WDR35: variants seen among roughly 807,000 people sequenced by gnomAD.
WDR35 encodes WD repeat domain 35.
A neutral mutation model predicts 158.3 loss-of-function variants in WDR35; 118 were observed. The ratio of observed to expected loss-of-function variants is 0.75; its 90% CI spans 0.64 to 0.87. The LOEUF (loss-of-function observed/expected upper bound fraction) is 0.87, where lower values mean the gene tolerates loss of function less well. Among genes scored for constraint, WDR35 ranks in the 40% least tolerant of loss-of-function variants. WDR35 has a pLI of 0.00. For synonymous variants in WDR35, 448 were observed against 476.1 expected (o/e 0.94, Z 0.77); for missense variants, 1,263 against 1,405.8 (o/e 0.90, Z 1.62).
At chr2:19,929,106 T>C (rs1670449115) in intron 25 of WDR35, among the ~76,000 whole-genome samples, 1 of 152,152 alleles carries the variant, frequency 6.6e-6, no homozygotes, top group Admixed American at 6.5e-5. Flanking sequence ...TGCACCCGGC[T>C]GAGGAAGATA....
At chr2:19,929,361 G>A (rs2103394781) in intron 25 of WDR35, among the ~76,000 whole-genome samples, 1 of 152,286 alleles carries the variant, frequency 6.6e-6, no homozygotes, top group South Asian at 2.1e-4. Context: ...GATTCATGAT[G>A]TATTAGGATT....
intron 9 of WDR35, 27 bp downstream of exon 9, chr2:19,969,453 T>A: frequency 1.3e-6 from 2 of 1,597,952 alleles, no homozygotes; most frequent in South Asian, 2.2e-5. Context: ...AAACACTGTT[T>A]ATTTTACAAC....
intron 8 of WDR35, among the ~76,000 whole-genome samples, chr2:19,972,975 CT>C (rs1672077677): frequency 6.6e-6 from 1 of 151,892 alleles, no homozygotes; most frequent in Admixed American, 6.6e-5. Context: ...TCTGAAAATT[CT>C]TTTAAAATTA....
At chr2:19,965,490 A>C (rs1053055918) in intron 10 of WDR35, among the ~76,000 whole-genome samples, 3 of 152,170 alleles carry the variant, frequency 2.0e-5, no homozygotes, top group Admixed American at 2.0e-4. Context: ...TTTCTCTTGA[A>C]CAGGTCGAAT....
chr2:19,924,336 G>A (rs1240448007), intron 25 of WDR35, among the ~76,000 whole-genome samples: 2 of 152,152 alleles, frequency 1.3e-5, no homozygotes, highest in East Asian at 3.9e-4. Context: ...AGGCTGAGGG[G>A]GGTGGATCAC....
intron 22 of WDR35, among the ~76,000 whole-genome samples, chr2:19,932,721 A>G (rs1670562508): frequency 6.6e-6 from 1 of 152,192 alleles, no homozygotes; most frequent in African/African-American, 2.4e-5. Flanking sequence ...TGTAATTCTA[A>G]TCTTACAAAA....
chr2:19,916,964 T>A (rs1239874778), intron 25 of WDR35, among the ~76,000 whole-genome samples: 1 of 152,050 alleles, frequency 6.6e-6, no homozygotes, highest in Non-Finnish European at 1.5e-5. Flanking sequence ...CTGGGACCCA[T>A]GTAGGGGCCG....
Position 19,911,760 on chromosome 2 carries a change from T to A in WDR35, c.*1798A>T, listed in dbSNP as rs1227722084. The A allele has an allele frequency of 6.6e-6, 1 of 152,228 alleles. No individual in the cohort carries two copies. The highest frequency in any genetic ancestry group is 1.5e-5 in the Non-Finnish European group (1 of 68,042). The allele number at this position is 152,228 out of a possible 1,614,324, so 9.4% of individuals were successfully genotyped here. On this transcript the variant is annotated 3_prime_UTR_variant, in exon 27 of 27. Coordinates refer to ENST00000281405, the MANE Select transcript of WDR35 (RefSeq NM_020779.4). ...TATGAAAAGCCACAAAGATACCAAA[T>A]ATTCATGATACACTAAGTATGCATG...
chr2:19,963,548 C>G (rs1671737597), intron 10 of WDR35, among the ~76,000 whole-genome samples: 1 of 152,118 alleles, frequency 6.6e-6, no homozygotes, highest in South Asian at 2.1e-4. Flanking sequence ...ACACACTGCA[C>G]CATGGTCAGC....
In WDR35 at chr2:19,951,470, T is replaced by C; in HGVS notation, c.1415A>G (p.Asp472Gly). The C allele has an allele frequency of 1.9e-6, 3 of 1,611,026 alleles. No homozygotes were observed. The highest frequency in any genetic ancestry group is 2.5e-6 in the Non-Finnish European group (3 of 1,178,226). ...ATCCATTGATCCAGAAGGGGTATCATCAACATGATAAATTCTGCAAAAAAG... is the reference window on the plus strand; with the variant it reads ...ATCCATTGATCCAGAAGGGGTATCACCAACATGATAAATTCTGCAAAAAAG... ...KEGRERIYHV[D>G]DTPSGSMDGV... is the part of the protein sequence containing the mutation. The change falls in exon 13 of 27, where the codon GAT becomes GGT. Residue 472 changes from aspartate to glycine, a missense_variant. Coordinates refer to ENST00000281405, the MANE Select transcript of WDR35 (RefSeq NM_020779.4).
At chr2:19,940,259 C>T (rs1198245715) in intron 17 of WDR35, among the ~76,000 whole-genome samples, 2 of 150,112 alleles carry the variant, frequency 1.3e-5, no homozygotes, top group Non-Finnish European at 3.0e-5. Context: ...CCCAGCTACT[C>T]AGGAGGCTGA....
chr2:19,965,715 C>A (rs1382546977), intron 10 of WDR35, among the ~76,000 whole-genome samples: 1 of 152,178 alleles, frequency 6.6e-6, no homozygotes, highest in Non-Finnish European at 1.5e-5. Context: ...AAACCCCAGT[C>A]GTTGTAGGTG....
Position 19,937,938 on chromosome 2 carries a change from A to C in WDR35, c.2072T>G (p.Leu691Arg). The stretch of plus-strand genomic sequence containing the variant: ...CAGTTTCTGAAGAGCTGCTTCAGCC[A>C]GTAGGCGCCTTTATTTTAAAAGAAA... ...DNPHPRLWRLLAEAALQKLDL... is the reference protein window; with the variant it reads ...DNPHPRLWRLRAEAALQKLDL... Residue 691 changes from leucine to arginine, a missense_variant, in exon 19 of 27, where the codon CTG becomes CGG. Physicochemically the swap from Leu to Arg is moderately radical, Grantham distance 102. Transcript: ENST00000281405. 1 of 1,614,114 alleles carries C rather than the reference A, an allele frequency of 6.2e-7. No individual in the cohort carries two copies. Among genetic ancestry groups the C allele is most frequent in the Non-Finnish European group, 8.5e-7 (1 of 1,180,010 alleles).
chr2:19,949,636 G>A (rs1158118337), intron 13 of WDR35, among the ~76,000 whole-genome samples: 2 of 152,174 alleles, frequency 1.3e-5, no homozygotes, highest in Non-Finnish European at 2.9e-5. Context: ...TACTGCACTG[G>A]AGAACAAAGA....
At chr2:19,973,514 C>T in intron 8 of WDR35, 49 bp downstream of exon 8, 1 of 1,613,192 alleles carries the variant, frequency 6.2e-7, no homozygotes, top group African/African-American at 1.3e-5. Context: ...CTACCTTACT[C>T]ACTGCACATT....
At chr2:19,956,053 C>A (rs1671418492) in intron 11 of WDR35, among the ~76,000 whole-genome samples, 1 of 152,158 alleles carries the variant, frequency 6.6e-6, no homozygotes, top group Non-Finnish European at 1.5e-5. Context: ...ACAGCAAAGC[C>A]TCCAGGGTGC....
At chr2:19,929,058 C>G (rs140526170) in intron 25 of WDR35, among the ~76,000 whole-genome samples, 3,069 of 152,266 alleles carry the variant, frequency 0.02, 95 homozygotes, top group African/African-American at 0.069. Flanking sequence ...CCACCCGCCT[C>G]AGCCTCCCAA....
chr2:19,910,984 G>A lies in WDR35; in HGVS notation c.*2574C>T, dbSNP rs1230698919. 6.6e-6 allele frequency: 1 copy of A among 152,012 alleles called. No individual in the cohort carries two copies. Among genetic ancestry groups the A allele is most frequent in the South Asian group, 2.1e-4 (1 of 4,822 alleles). 9.4% of individuals were successfully genotyped at this position (152,012 alleles called of 1,614,324 possible). On this transcript the variant is annotated 3_prime_UTR_variant, in exon 27 of 27. Coordinates refer to ENST00000281405, the MANE Select transcript of WDR35 (RefSeq NM_020779.4). The stretch of plus-strand genomic sequence containing the variant: ...AAAATTAGGTCCACAAGGTATGAGA[G>A]GTTGTTTTTAGAGATACTGGTTTCT...
At chr2:19,922,659 A>C (rs1670207025) in intron 25 of WDR35, among the ~76,000 whole-genome samples, 1 of 152,182 alleles carries the variant, frequency 6.6e-6, no homozygotes, top group Admixed American at 6.5e-5. Flanking sequence ...ACGCATGTGT[A>C]TACCTATGTA....
Sources: allele counts gnomAD v4.1 joint callset (sites outside exome capture counted in the v4.1 genomes callset), GRCh38; gene constraint gnomAD v4.1.1; transcripts MANE v1.5; gene names NCBI Gene and HGNC (gene_info 2026-07-23, HGNC 2026-07-21).